Variants in RARB observed in about 807,000 individuals in gnomAD.
RARB encodes the protein HBV-activated protein.
Under a neutral mutation model 51.9 loss-of-function variants are expected in RARB, and 17 were observed. That is an observed-to-expected ratio of 0.33 (90% confidence interval 0.22 to 0.49). The LOEUF (loss-of-function observed/expected upper bound fraction) is 0.49, where lower values mean the gene tolerates loss of function less well. RARB is among the 20% of genes least tolerant of loss of function. The pLI is 0.99. For missense variants in RARB, 369 were observed against 550.8 expected, an observed-to-expected ratio of 0.67 and a Z score of 3.30; for synonymous variants, 215 against 195.4, an observed-to-expected ratio of 1.10 and a Z score of -0.84.
chr3:25,174,909 G>T (rs1436856889), intron 5 of RARB, among the ~76,000 whole-genome samples: 1 of 152,202 alleles, frequency 6.6e-6, no homozygotes, highest in Non-Finnish European at 1.5e-5. Context: ...AGTGAATTAG[G>T]AGATGATACC....
At chr3:25,358,540 G>C (rs1442622923) in intron 5 of RARB, among the ~76,000 whole-genome samples, 1 of 152,150 alleles carries the variant, frequency 6.6e-6, no homozygotes, top group African/African-American at 2.4e-5. Context: ...GGTGAGAGAG[G>C]ACATTCTTGT....
chr3:25,122,617 G>A (rs1362701718), intron 3 of RARB, among the ~76,000 whole-genome samples: 5 of 152,180 alleles, frequency 3.3e-5, no homozygotes, highest in African/African-American at 1.2e-4. Context: ...TCCCCATCTG[G>A]TACTCTGATA....
intron 1 of RARB, among the ~76,000 whole-genome samples, chr3:25,443,873 G>C (rs1168287302): frequency 3.3e-5 from 5 of 152,082 alleles, no homozygotes; most frequent in Non-Finnish European, 5.9e-5. Context: ...AGAGGTTACA[G>C]TGAGCCGAGA....
chr3:24,831,353 C>T lies in RARB; in HGVS notation c.-459+1950C>T, dbSNP rs565995565. Among the ~76,000 whole-genome samples, 9 of 152,262 alleles carry T rather than the reference C, an allele frequency of 5.9e-5. No homozygotes were observed. The South Asian group carries it at 1.2e-3, about 21-fold the overall frequency. ...ATTATTTTCGTATTTACGCCATTAACGATTGTAATTTAACGTTAATGTCCT... is the reference window on the plus strand; with the variant it reads ...ATTATTTTCGTATTTACGCCATTAATGATTGTAATTTAACGTTAATGTCCT... On this transcript the variant is annotated intron_variant, in intron 1 of 11. Transcript: ENST00000383772.
intron 5 of RARB, among the ~76,000 whole-genome samples, chr3:25,374,801 T>C (rs910585530): frequency 6.6e-6 from 1 of 152,174 alleles, no homozygotes; most frequent in Non-Finnish European, 1.5e-5. Flanking sequence ...TGTACAAGGT[T>C]TCTTTCTTCA....
chr3:25,185,987 T>A (rs555839790), intron 5 of RARB, among the ~76,000 whole-genome samples: 1 of 152,224 alleles, frequency 6.6e-6, no homozygotes, highest in South Asian at 2.1e-4. Flanking sequence ...ATGTCCAGTA[T>A]TGGGTGAACA....
At chr3:25,029,065 G>C (rs867726441) in intron 2 of RARB, among the ~76,000 whole-genome samples, 7 of 152,276 alleles carry the variant, frequency 4.6e-5, no homozygotes, top group Middle Eastern at 6.8e-3. Flanking sequence ...CCTCAGACAG[G>C]CTTCCTGGCA....
intron 2 of RARB, among the ~76,000 whole-genome samples, chr3:25,044,343 G>A (rs1286086725): frequency 1.3e-5 from 2 of 152,272 alleles, no homozygotes; most frequent in Middle Eastern, 3.4e-3. Context: ...GGCAGGAACT[G>A]TATCTGAGTC....
intron 4 of RARB, among the ~76,000 whole-genome samples, chr3:25,153,475 T>C (rs1347228478): frequency 6.6e-6 from 1 of 152,182 alleles, no homozygotes; most frequent in East Asian, 1.9e-4. Flanking sequence ...ACTTCTGCTG[T>C]TATCAAAGGA....
intron 5 of RARB, among the ~76,000 whole-genome samples, chr3:25,369,773 T>G (rs1251359023): frequency 6.6e-6 from 1 of 152,018 alleles, no homozygotes; most frequent in Non-Finnish European, 1.5e-5. Flanking sequence ...AAATACAACA[T>G]TAGCCTGGCA....
At chr3:25,235,745 A>G (rs954595317) in intron 5 of RARB, among the ~76,000 whole-genome samples, 1 of 152,210 alleles carries the variant, frequency 6.6e-6, no homozygotes, top group African/African-American at 2.4e-5. Flanking sequence ...CAAACACAGG[A>G]GATGGAAAGG....
intron 2 of RARB, among the ~76,000 whole-genome samples, chr3:24,939,303 C>G (rs748680646): frequency 1.6e-4 from 24 of 152,086 alleles, no homozygotes; most frequent in Middle Eastern, 3.2e-3. Context: ...CTGTTTGAGT[C>G]CCTCCTTTCA....
At chr3:24,905,041 C>T (rs972255066) in intron 2 of RARB, among the ~76,000 whole-genome samples, 10 of 152,114 alleles carry the variant, frequency 6.6e-5, no homozygotes, top group South Asian at 2.1e-4. Flanking sequence ...ATGTAGATGA[C>T]GGGTTGATGG....
chr3:25,425,063 A>T (rs1026446808), upstream of RARB, among the ~76,000 whole-genome samples: 2 of 152,194 alleles, frequency 1.3e-5, no homozygotes, highest in African/African-American at 4.8e-5. Context: ...TTGGAAATAC[A>T]TTTATTAGAT....
chr3:25,011,130 G>A (rs1056683774), intron 2 of RARB, among the ~76,000 whole-genome samples: 10 of 152,154 alleles, frequency 6.6e-5, no homozygotes, highest in African/African-American at 1.2e-4. Context: ...AAGATGCTAA[G>A]GTTGTGGAAG....
intron 2 of RARB, among the ~76,000 whole-genome samples, chr3:24,912,856 T>C (rs1252115807): frequency 6.6e-6 from 1 of 152,048 alleles, no homozygotes; most frequent in Non-Finnish European, 1.5e-5. Context: ...GTAACTTAAG[T>C]TTCTCAAATC....
chr3:25,002,314 C>CACAG, intron 2 of RARB, among the ~76,000 whole-genome samples: 1 of 152,258 alleles, frequency 6.6e-6, no homozygotes, highest in African/African-American at 2.4e-5. Flanking sequence ...CACTGTGAAA[C>CACAG]ACAGAACCCT....
intron 3 of RARB, among the ~76,000 whole-genome samples, chr3:25,521,256 G>A (rs1362089012): frequency 1.3e-5 from 2 of 152,068 alleles, no homozygotes; most frequent in Admixed American, 6.5e-5. Flanking sequence ...AACTTCCCCG[G>A]CCTACTTAGC....
chr3:25,545,353 G>A (rs1035421522), intron 3 of RARB, among the ~76,000 whole-genome samples: 1 of 152,106 alleles, frequency 6.6e-6, no homozygotes, highest in African/African-American at 2.4e-5. Context: ...TTGTCTCCTT[G>A]CCTCTCAAAG....
Sources: allele counts gnomAD v4.1 joint callset (sites outside exome capture counted in the v4.1 genomes callset), GRCh38; gene constraint gnomAD v4.1.1; transcripts MANE v1.5; gene names NCBI Gene and HGNC (gene_info 2026-07-23, HGNC 2026-07-21).